Variants in SPSB4 observed in about 807,000 individuals in gnomAD.
SPSB4 encodes SPRY domain-containing SOCS box protein 4.
Under a neutral mutation model 20.9 loss-of-function variants are expected in SPSB4, and 21 were observed. The ratio of observed to expected loss-of-function variants is 1.01; its 90% CI spans 0.71 to 1.45. SPSB4 has a LOEUF of 1.45. Among genes scored for constraint, SPSB4 ranks in the 40% most tolerant of loss-of-function variants. The pLI, the probability that SPSB4 is intolerant of heterozygous loss-of-function variation, is 0.00. For missense variants in SPSB4, 399 were observed against 399.2 expected (o/e 1.00, Z 0.00); for synonymous variants, 207 against 183.8 (o/e 1.13, Z -1.02).
chr3:141,116,761 C>T (rs972912225), intron 2 of SPSB4, among the ~76,000 whole-genome samples: 2 of 152,194 alleles, frequency 1.3e-5, no homozygotes, highest in Non-Finnish European at 2.9e-5. Flanking sequence ...CAACTTACTA[C>T]AACTATAATG....
intron 2 of SPSB4, among the ~76,000 whole-genome samples, chr3:141,105,046 G>A (rs925046350): frequency 3.3e-5 from 5 of 152,170 alleles, no homozygotes; most frequent in Non-Finnish European, 5.9e-5. Context: ...CCCACAAGGC[G>A]GATGGAGTCA....
intron 2 of SPSB4, among the ~76,000 whole-genome samples, 185 bp downstream of exon 2, chr3:141,066,983 C>G (rs187927780): frequency 6.6e-6 from 1 of 152,176 alleles, no homozygotes; most frequent in Non-Finnish European, 1.5e-5. Context: ...GTTCTCCCAT[C>G]GGCAAAAGCA....
At chr3:141,133,118 T>C (rs1288111456) in intron 2 of SPSB4, among the ~76,000 whole-genome samples, 1 of 152,244 alleles carries the variant, frequency 6.6e-6, no homozygotes, top group East Asian at 1.9e-4. Flanking sequence ...TTGAGAATTT[T>C]CTATTCATAT....
At chr3:141,113,311 G>C (rs1938832591) in intron 2 of SPSB4, among the ~76,000 whole-genome samples, 1 of 152,182 alleles carries the variant, frequency 6.6e-6, no homozygotes, top group South Asian at 2.1e-4. Context: ...AATGAAAACA[G>C]GTAGGTATTC....
rs528792944 is a variant in SPSB4, at chr3:141,078,902, A to G, written c.694+12104A>G. 3.3e-5 allele frequency among the ~76,000 whole-genome samples: 5 copies of G among 152,264 alleles called. No individual in the cohort carries two copies. In the East Asian group the frequency reaches 9.7e-4, roughly 29 times the overall value. On this transcript the variant is annotated intron_variant, in intron 2 of 2. Transcript: ENST00000310546. ...GGCTGTTCTATTTGTCCTGGCATGTAGTGGATTCTGTGTGTGTTTGTTGAA... is the reference window on the plus strand; with the variant it reads ...GGCTGTTCTATTTGTCCTGGCATGTGGTGGATTCTGTGTGTGTTTGTTGAA...
At chr3:141,141,448 TG>T (rs1367285144) in intron 2 of SPSB4, among the ~76,000 whole-genome samples, 1 of 152,232 alleles carries the variant, frequency 6.6e-6, no homozygotes, top group African/African-American at 2.4e-5. Context: ...AGACTGGAGC[TG>T]TTCCTATTCG....
rs772765956 is a variant in SPSB4, at chr3:141,147,205, G to A, written c.758G>A (p.Arg253His). The A allele has an allele frequency of 3.1e-5, 50 of 1,614,060 alleles. No homozygotes were observed. In the Middle Eastern group the frequency reaches 4.9e-4, roughly 16 times the overall value. The change falls in exon 3 of 3, where the codon CGC becomes CAC. Residue 253 changes from arginine to histidine, a missense_variant. Physicochemically the swap from Arg to His is conservative, Grantham distance 29. Transcript: ENST00000310546. ...RSIRSALGRQRLQDISSLPLP... is the reference protein window; with the variant it reads ...RSIRSALGRQHLQDISSLPLP... ...ATCCGCTCGGCCCTGGGCCGCCAGC[G>A]CCTGCAGGACATCAGCTCCCTGCCC...
intron 2 of SPSB4, among the ~76,000 whole-genome samples, chr3:141,087,370 T>C (rs1293804915): frequency 1.3e-5 from 2 of 152,118 alleles, no homozygotes; most frequent in Non-Finnish European, 1.5e-5. Flanking sequence ...GATTCTCCTT[T>C]AGTGAAGTGG....
At chr3:141,139,342 A>G (rs143149358) in intron 2 of SPSB4, among the ~76,000 whole-genome samples, 39,800 of 151,498 alleles carry the variant, frequency 0.26, 6,536 homozygotes, top group African/African-American at 0.44. Context: ...TACATTTAAG[A>G]TTAGTATTGT....
At chr3:141,106,688 TA>T (rs11325244) in intron 2 of SPSB4, among the ~76,000 whole-genome samples, 3,055 of 152,324 alleles carry the variant, frequency 0.02, 111 homozygotes, top group African/African-American at 0.07. Context: ...GCCTCACCTG[TA>T]ATCCCAGGTT....
chr3:141,145,782 T>C (rs1343962660), intron 2 of SPSB4, among the ~76,000 whole-genome samples: 2 of 152,184 alleles, frequency 1.3e-5, no homozygotes, highest in Non-Finnish European at 2.9e-5. Context: ...TTCCAGCTGA[T>C]GCTAACTGAT....
chr3:141,072,134 C>T (rs1938020514), intron 2 of SPSB4, among the ~76,000 whole-genome samples: 1 of 152,246 alleles, frequency 6.6e-6, no homozygotes, highest in South Asian at 2.1e-4. Context: ...CTCCAGGCCT[C>T]AGCCGAGGAC....
At chr3:141,102,037 AG>A (rs1172975015) in intron 2 of SPSB4, among the ~76,000 whole-genome samples, 2 of 152,214 alleles carry the variant, frequency 1.3e-5, no homozygotes, top group Non-Finnish European at 2.9e-5. Context: ...AATCACCAAA[AG>A]TTCTAATAGT....
intron 2 of SPSB4, among the ~76,000 whole-genome samples, chr3:141,141,119 A>C (rs1576544902): frequency 6.6e-6 from 1 of 152,098 alleles, no homozygotes; most frequent in South Asian, 2.1e-4. Flanking sequence ...TGGGCATAGG[A>C]CCCTCCGAGC....
At chr3:141,077,172 G>C (rs545643650) in intron 2 of SPSB4, 1 of 152,198 alleles carries the variant, frequency 6.6e-6, no homozygotes, top group African/African-American at 2.4e-5. Flanking sequence ...GCCCTTCTTC[G>C]TCAGATCTTC....
At position 141,066,866 on chromosome 3, in the gene SPSB4, C is replaced by A. The variant is rs1327373863; in HGVS notation, c.694+68C>A. On this transcript the variant is annotated intron_variant, in intron 2 of 2. Coordinates refer to ENST00000310546, the MANE Select transcript of SPSB4 (RefSeq NM_080862.3). ...CAGGCCCTAGGGAAGCTGGGCAGGC[C>A]ACACCTCCATCGCCACTTGGGAGGA... 2.8e-6 allele frequency: 4 copies of A among 1,434,044 alleles called. No homozygotes were observed. In the African/African-American group the frequency reaches 5.8e-5, roughly 21 times the overall value. 88.8% of individuals were successfully genotyped at this position (1,434,044 alleles called of 1,614,324 possible).
chr3:141,070,957 C>T (rs2107781558), intron 2 of SPSB4, among the ~76,000 whole-genome samples: 1 of 152,356 alleles, frequency 6.6e-6, no homozygotes, highest in East Asian at 1.9e-4. Context: ...TCCTTGCCTT[C>T]AGCAGTGAGT....
chr3:141,053,961 C>T (rs1936138975), intron 1 of SPSB4, among the ~76,000 whole-genome samples: 1 of 152,196 alleles, frequency 6.6e-6, no homozygotes, highest in South Asian at 2.1e-4. Flanking sequence ...CTTCCTTTTA[C>T]TCCAACACTC....
intron 2 of SPSB4, among the ~76,000 whole-genome samples, chr3:141,069,093 G>A (rs1937944025): frequency 6.6e-6 from 1 of 152,136 alleles, no homozygotes; most frequent in Non-Finnish European, 1.5e-5. Flanking sequence ...GCAGGCCTGG[G>A]GCATCTTCCA....
Sources: allele counts gnomAD v4.1 joint callset (sites outside exome capture counted in the v4.1 genomes callset), GRCh38; gene constraint gnomAD v4.1.1; transcripts MANE v1.5; gene names NCBI Gene and HGNC (gene_info 2026-07-23, HGNC 2026-07-21).